Variants in GSE1 observed in about 807,000 individuals in gnomAD.
GSE1 encodes Gse1 coiled-coil protein.
Under a neutral mutation model 112.6 loss-of-function variants are expected in GSE1, and 32 were observed. The observed-to-expected ratio is 0.28, with a 90% CI of 0.21 to 0.38. The LOEUF (loss-of-function observed/expected upper bound fraction) is 0.38. GSE1 is among the 10% of genes least tolerant of loss of function. GSE1 has a pLI of 1.00. For missense variants in GSE1, 2,348 were observed against 1,699.2 expected (o/e 1.38, Z -6.71); for synonymous variants, 1,115 against 735.6 (o/e 1.52, Z -8.35).
chr16:85,374,143 G>A (rs568606984), intron 2 of GSE1, among the ~76,000 whole-genome samples: 6 of 151,966 alleles, frequency 3.9e-5, no homozygotes, highest in East Asian at 3.9e-4. Flanking sequence ...GTGCATGTGC[G>A]TGGTTGCATG....
At chr16:85,671,610 G>A (rs1389215696) in intron 15 of GSE1, among the ~76,000 whole-genome samples, 1 of 150,588 alleles carries the variant, frequency 6.6e-6, no homozygotes, top group Non-Finnish European at 1.5e-5. Flanking sequence ...CAAGACCACT[G>A]TCTCCTGAAG....
At chr16:85,380,813 C>G (rs2047529799) in intron 2 of GSE1, among the ~76,000 whole-genome samples, 1 of 152,212 alleles carries the variant, frequency 6.6e-6, no homozygotes, top group Non-Finnish European at 1.5e-5. Context: ...GAGTGTCGCC[C>G]TGCCAAGCTG....
chr16:85,437,812 G>A (rs1018707535), intron 2 of GSE1, among the ~76,000 whole-genome samples: 1 of 152,224 alleles, frequency 6.6e-6, no homozygotes, highest in Non-Finnish European at 1.5e-5. Flanking sequence ...GCTATGTTCA[G>A]TGGTTGGACC....
upstream of GSE1, among the ~76,000 whole-genome samples, chr16:85,608,806 CT>C (rs1293987236): frequency 6.6e-6 from 1 of 152,218 alleles, no homozygotes; most frequent in Middle Eastern, 3.2e-3. Flanking sequence ...TCTTTACCTC[CT>C]GGCCCACGGA....
chr16:85,245,280 C>T (rs1905518790), intron 1 of GSE1, among the ~76,000 whole-genome samples: 1 of 152,222 alleles, frequency 6.6e-6, no homozygotes, highest in African/African-American at 2.4e-5. Context: ...AGCCCTTGCC[C>T]TGCTATTAAA....
At chr16:85,614,210 G>A (rs1405675022) in intron 1 of GSE1, among the ~76,000 whole-genome samples, 4 of 151,640 alleles carry the variant, frequency 2.6e-5, no homozygotes, top group Non-Finnish European at 5.9e-5. Flanking sequence ...GCCTGGATGC[G>A]CCTCCCCGCC....
At chr16:85,564,904 C>A (rs1222465120) in intron 1 of GSE1, among the ~76,000 whole-genome samples, 1 of 152,106 alleles carries the variant, frequency 6.6e-6, no homozygotes, top group Non-Finnish European at 1.5e-5. Context: ...GCGGACGGGC[C>A]CCTTCACAGC....
At chr16:85,420,963 G>A (rs2048829119) in intron 2 of GSE1, among the ~76,000 whole-genome samples, 1 of 152,338 alleles carries the variant, frequency 6.6e-6, no homozygotes, top group Admixed American at 6.5e-5. Flanking sequence ...TCGGGCTGCA[G>A]CGTCTGCGCC....
chr16:85,665,747 C>G (rs2052796694), intron 12 of GSE1, among the ~76,000 whole-genome samples: 1 of 152,244 alleles, frequency 6.6e-6, no homozygotes, highest in Admixed American at 6.5e-5. Flanking sequence ...TCCTGTGGAT[C>G]TGCTTCTTCC....
At chr16:85,255,698 C>T (rs1334097844) in intron 1 of GSE1, among the ~76,000 whole-genome samples, 1 of 151,906 alleles carries the variant, frequency 6.6e-6, no homozygotes, top group Admixed American at 6.6e-5. Flanking sequence ...CCACCGCACC[C>T]GGCCAGTCAG....
In GSE1 at chr16:85,262,427, C is replaced by G. The variant is rs545235867; in HGVS notation, c.2283+90620C>G. Among the ~76,000 whole-genome samples the G allele has an allele frequency of 3.9e-5, 6 of 152,236 alleles. No homozygotes were observed. In the East Asian group the frequency reaches 9.7e-4, roughly 25 times the overall value. On this transcript the variant is annotated intron_variant, in intron 1 of 2. Coordinates refer to the GSE1 transcript ENST00000637419. The stretch of plus-strand genomic sequence containing the variant: ...GCTAATTAGCTGTGTGTCTTTGCAC[C>G]GGGGGGCCTCTCAGATGGCAGGCAT...
At chr16:85,521,277 A>G (rs1431815038) in intron 2 of GSE1, among the ~76,000 whole-genome samples, 1 of 152,180 alleles carries the variant, frequency 6.6e-6, no homozygotes, top group African/African-American at 2.4e-5. Flanking sequence ...AAACCCAAAG[A>G]GTGACCCTGT....
rs72440888 is a variant in GSE1, at chr16:85,312,208, G to GC, written c.2284-45255_2284-45254insC. On this transcript the variant is annotated intron_variant, in intron 1 of 2. Transcript: ENST00000637419. ...GTGGTCTCTCTGATCCTCTTGCGGGGGGGGGGGGGACACACTTACCCCCAA... is the reference window on the plus strand; with the variant it reads ...GTGGTCTCTCTGATCCTCTTGCGGGGCGGGGGGGGGACACACTTACCCCCAA... Among the ~76,000 whole-genome samples the GC allele has an allele frequency of 3.4e-3, 503 of 149,400 alleles. 67 individuals carry two copies. The highest frequency in any genetic ancestry group is 0.012 in the African/African-American group (481 of 39,050).
At chr16:85,293,773 G>A (rs552285386) in intron 1 of GSE1, among the ~76,000 whole-genome samples, 1 of 152,098 alleles carries the variant, frequency 6.6e-6, no homozygotes, top group Non-Finnish European at 1.5e-5. Context: ...GAACTTCATC[G>A]CTGTGATCGC....
intron 1 of GSE1, among the ~76,000 whole-genome samples, chr16:85,557,034 G>C (rs912642349): frequency 6.6e-6 from 1 of 152,170 alleles, no homozygotes; most frequent in African/African-American, 2.4e-5. Context: ...GAGGGGAGGG[G>C]AGGGGAGGGG....
chr16:85,607,189 C>G (rs1358238807), upstream of GSE1, among the ~76,000 whole-genome samples: 1 of 151,996 alleles, frequency 6.6e-6, no homozygotes, highest in Non-Finnish European at 1.5e-5. Flanking sequence ...GTCAGGGAGC[C>G]CAGGTCATAG....
At chr16:85,444,889 C>G (rs2049470205) in intron 2 of GSE1, among the ~76,000 whole-genome samples, 1 of 152,308 alleles carries the variant, frequency 6.6e-6, no homozygotes, top group South Asian at 2.1e-4. Flanking sequence ...TGGGGTGTCC[C>G]GCCCATGCCC....
chr16:85,233,616 ATGTG>A (rs990130488), intron 1 of GSE1, among the ~76,000 whole-genome samples: 1 of 151,986 alleles, frequency 6.6e-6, no homozygotes, highest in Non-Finnish European at 1.5e-5. Flanking sequence ...TGGCCTCTGC[ATGTG>A]TGTGTGTGCA....
chr16:85,255,093 G>A (rs907413352), intron 1 of GSE1, among the ~76,000 whole-genome samples: 2 of 152,326 alleles, frequency 1.3e-5, no homozygotes, highest in South Asian at 2.1e-4. Context: ...GGGAGGCGGC[G>A]GCGGCGGTCG....
Sources: allele counts gnomAD v4.1 joint callset (sites outside exome capture counted in the v4.1 genomes callset), GRCh38; gene constraint gnomAD v4.1.1; transcripts MANE v1.5; gene names NCBI Gene and HGNC (gene_info 2026-07-23, HGNC 2026-07-21).